CDC42SE2: variants seen among roughly 807,000 people sequenced by gnomAD.
CDC42SE2 encodes the protein CDC42 small effector 2, also known as CDC42 small effector protein 2.
In CDC42SE2, 3 loss-of-function variants were observed where a neutral mutation model predicts 11.5. That is an observed-to-expected ratio of 0.26 (90% CI 0.12 to 0.67). The LOEUF is 0.67. Ranked by LOEUF, CDC42SE2 falls within the 30% of genes least tolerant of loss-of-function variation. CDC42SE2 has a pLI of 0.80. For missense variants in CDC42SE2, 82 were observed against 106.8 expected, an observed-to-expected ratio of 0.77 and a Z score of 1.02; for synonymous variants, 33 against 34.8, an observed-to-expected ratio of 0.95 and a Z score of 0.18.
intron 1 of CDC42SE2, among the ~76,000 whole-genome samples, chr5:131,283,020 C>T (rs1039810277): frequency 5.3e-5 from 8 of 151,124 alleles, no homozygotes; most frequent in African/African-American, 1.9e-4. Context: ...CTCCACCTCC[C>T]GGGTTCAAGC....
chr5:131,262,866 G>A (rs1223952815), upstream of CDC42SE2, among the ~76,000 whole-genome samples: 11 of 152,026 alleles, frequency 7.2e-5, no homozygotes, highest in East Asian at 3.9e-4. Flanking sequence ...CCATGGATGC[G>A]GAGGGCTGAC....
chr5:131,240,557 A>G (rs1184778073), upstream of CDC42SE2, among the ~76,000 whole-genome samples: 1 of 152,250 alleles, frequency 6.6e-6, no homozygotes, highest in Non-Finnish European at 1.5e-5. Flanking sequence ...AGTTTCTCCA[A>G]GAGTAAACAT....
chr5:131,319,168 G>A (rs1352147219), intron 2 of CDC42SE2, among the ~76,000 whole-genome samples: 1 of 152,122 alleles, frequency 6.6e-6, no homozygotes, highest in African/African-American at 2.4e-5. Context: ...GCCTCCCAAA[G>A]TGCTGGGATG....
At chr5:131,256,867 G>A (rs1561562475) in intron 2 of CDC42SE2, among the ~76,000 whole-genome samples, 1 of 152,192 alleles carries the variant, frequency 6.6e-6, no homozygotes. Flanking sequence ...ATTAGACCAG[G>A]CCCACTCAGA....
chr5:131,339,246 G>GACA (rs1758650525), intron 2 of CDC42SE2, among the ~76,000 whole-genome samples: 1 of 28,230 alleles, frequency 3.5e-5, no homozygotes, highest in Non-Finnish European at 7.5e-5. Context: ...GACTCTGTCT[G>GACA]AAAAAAAAAA....
intron 2 of CDC42SE2, among the ~76,000 whole-genome samples, chr5:131,358,010 C>G (rs568852618): frequency 6.6e-6 from 1 of 152,188 alleles, no homozygotes; most frequent in Non-Finnish European, 1.5e-5. Context: ...TCTTCTAATT[C>G]TGGTAACACC....
At chr5:131,366,668 A>C (rs1436125374) in intron 3 of CDC42SE2, among the ~76,000 whole-genome samples, 2 of 152,160 alleles carry the variant, frequency 1.3e-5, no homozygotes, top group Admixed American at 1.3e-4. Flanking sequence ...ACATCAGCAA[A>C]AGTAATAATC....
At chr5:131,351,209 C>T (rs1759001648) in intron 2 of CDC42SE2, among the ~76,000 whole-genome samples, 1 of 152,070 alleles carries the variant, frequency 6.6e-6, no homozygotes, top group Admixed American at 6.6e-5. Flanking sequence ...CTTGGTCTCC[C>T]AGAGTGCTGA....
rs35818778 is a variant in CDC42SE2 at position 131,342,388 on chromosome 5, CTTTT to C, written c.-285-16805_-285-16802del. 4.0e-4 allele frequency among the ~76,000 whole-genome samples: 44 copies of C among 111,302 alleles called. 2 individuals carry two copies. Among genetic ancestry groups the C allele is most frequent in the African/African-American group, 1.7e-3 (39 of 22,570 alleles). The allele number at this position is 111,302 out of a possible 152,430, so 73.0% of individuals were successfully genotyped here. On this transcript the variant is annotated intron_variant, in intron 2 of 4. Coordinates refer to ENST00000505065, the MANE Select transcript of CDC42SE2 (RefSeq NM_001375635.1). The stretch of plus-strand genomic sequence containing the variant: ...TCAGAGATTTGCCATTTTTAATAGT[CTTTT>C]TTTTTTTTTTTTTTTAAGATAGGGT...
intron 2 of CDC42SE2, among the ~76,000 whole-genome samples, chr5:131,356,301 A>G (rs932265016): frequency 6.6e-6 from 1 of 152,232 alleles, no homozygotes; most frequent in Admixed American, 6.5e-5. Flanking sequence ...CTTTCAGCTC[A>G]AGAAGTGAAA....
At chr5:131,230,007 A>G in the CDC42SE2 span, among the ~76,000 whole-genome samples, 3 of 152,224 alleles carry the variant, frequency 2.0e-5, no homozygotes, top group African/African-American at 7.2e-5. Flanking sequence ...CTATCATTTT[A>G]CCATGTTTTC....
chr5:131,381,570 G>A (rs975777967), intron 3 of CDC42SE2, among the ~76,000 whole-genome samples: 2 of 152,218 alleles, frequency 1.3e-5, no homozygotes, highest in Non-Finnish European at 2.9e-5. Flanking sequence ...TGATCCACCC[G>A]CCTCGGCCTC....
chr5:131,227,061 G>T, the CDC42SE2 span, among the ~76,000 whole-genome samples: 1 of 152,168 alleles, frequency 6.6e-6, no homozygotes, highest in Non-Finnish European at 1.5e-5. Flanking sequence ...CAGCTGGCCA[G>T]TCCAGAGGGA....
chr5:131,306,707 G>T (rs1199071106), intron 1 of CDC42SE2, among the ~76,000 whole-genome samples: 2 of 152,094 alleles, frequency 1.3e-5, no homozygotes, highest in Non-Finnish European at 2.9e-5. Flanking sequence ...CAACATTAAA[G>T]ATTCCAATCC....
chr5:131,216,557 A>G, the CDC42SE2 span, among the ~76,000 whole-genome samples: 2 of 151,654 alleles, frequency 1.3e-5, no homozygotes, highest in Non-Finnish European at 2.9e-5. Context: ...TAACTGTCAT[A>G]AGGGTTTGTG....
chr5:131,260,376 G>C (rs921715713), upstream of CDC42SE2, among the ~76,000 whole-genome samples: 4 of 151,976 alleles, frequency 2.6e-5, no homozygotes, highest in Non-Finnish European at 4.4e-5. Context: ...TAATCCCAGC[G>C]CTTTGGGAGG....
intron 1 of CDC42SE2, among the ~76,000 whole-genome samples, chr5:131,270,331 C>T (rs1004116974): frequency 1.3e-5 from 2 of 152,106 alleles, no homozygotes; most frequent in African/African-American, 2.4e-5. Context: ...GCTGAGATCA[C>T]GCCATTGCAC....
intron 2 of CDC42SE2, among the ~76,000 whole-genome samples, chr5:131,336,268 C>G (rs1202552984): frequency 6.6e-6 from 1 of 152,160 alleles, no homozygotes; most frequent in Non-Finnish European, 1.5e-5. Flanking sequence ...GTTGAAAATT[C>G]TTAATTCTTT....
intron 2 of CDC42SE2, among the ~76,000 whole-genome samples, chr5:131,326,639 G>A (rs1758307281): frequency 6.6e-6 from 1 of 152,026 alleles, no homozygotes; most frequent in Admixed American, 6.6e-5. Flanking sequence ...AGTTGTTTCT[G>A]ACATATATTG....
Sources: allele counts gnomAD v4.1 joint callset (sites outside exome capture counted in the v4.1 genomes callset), GRCh38; gene constraint gnomAD v4.1.1; transcripts MANE v1.5; gene names NCBI Gene and HGNC (gene_info 2026-07-23, HGNC 2026-07-21).